SORBS2: variants seen among roughly 807,000 people sequenced by gnomAD.
The protein encoded by SORBS2 is sorbin and SH3 domain containing 2.
A neutral mutation model predicts 97.7 loss-of-function variants in SORBS2; 46 were observed. The observed-to-expected ratio is 0.47, with a 90% confidence interval of 0.37 to 0.60. The LOEUF is 0.60. SORBS2 is among the 20% of genes least tolerant of loss of function. SORBS2 has a pLI of 0.00. For missense variants in SORBS2, 1,316 were observed against 1,282.3 expected (o/e 1.03, Z -0.40); for synonymous variants, 476 against 473.4 (o/e 1.01, Z -0.07).
chr4:185,908,658 G>C (rs190706754), intron 1 of SORBS2, among the ~76,000 whole-genome samples: 80 of 151,882 alleles, frequency 5.3e-4, no homozygotes, highest in African/African-American at 1.9e-3. Flanking sequence ...CCTCTGAAAT[G>C]AATGAGTCCT....
chr4:185,628,242 A>G (rs949758514), intron 5 of SORBS2, among the ~76,000 whole-genome samples: 6 of 151,996 alleles, frequency 3.9e-5, no homozygotes, highest in Admixed American at 2.6e-4. Flanking sequence ...TCAGTGCTAT[A>G]ATTTGTATCT....
At chr4:185,618,732 A>G in intron 8 of SORBS2, 101 bp from the exon 21 acceptor site, 2 of 601,036 alleles carry the variant, frequency 3.3e-6, no homozygotes, top group South Asian at 3.3e-5. Flanking sequence ...TCAGGGAATC[A>G]TCAAACATAT....
intron 1 of SORBS2, among the ~76,000 whole-genome samples, chr4:185,809,197 C>T (rs2099168827): frequency 6.6e-6 from 1 of 151,994 alleles, no homozygotes; most frequent in East Asian, 1.9e-4. Context: ...GTTACCAGTA[C>T]AATGTCTGAA....
chr4:185,712,939 A>G (rs764770205), intron 2 of SORBS2, among the ~76,000 whole-genome samples: 1 of 152,148 alleles, frequency 6.6e-6, no homozygotes, highest in Non-Finnish European at 1.5e-5. Flanking sequence ...CTAACACCTT[A>G]GTCTAGCTTT....
intron 1 of SORBS2, among the ~76,000 whole-genome samples, chr4:185,926,436 A>G (rs1372303383): frequency 6.6e-6 from 1 of 151,960 alleles, no homozygotes; most frequent in Non-Finnish European, 1.5e-5. Flanking sequence ...AATTTTTGGT[A>G]TCTGGCATGA....
chr4:185,910,547 AT>A (rs1260861468), intron 1 of SORBS2, among the ~76,000 whole-genome samples: 1 of 151,856 alleles, frequency 6.6e-6, no homozygotes, highest in Non-Finnish European at 1.5e-5. Context: ...TTATTCATTT[AT>A]GTGTTTGTTT....
intron 2 of SORBS2, among the ~76,000 whole-genome samples, chr4:185,748,960 G>A (rs1411261877): frequency 6.6e-6 from 1 of 152,214 alleles, no homozygotes; most frequent in Non-Finnish European, 1.5e-5. Context: ...GAATGCAGGA[G>A]AGCCCCAAGC....
At chr4:185,900,599 G>GA (rs897710853) in intron 1 of SORBS2, among the ~76,000 whole-genome samples, 45 of 151,750 alleles carry the variant, frequency 3.0e-4, no homozygotes, top group African/African-American at 9.2e-4. Context: ...TATAGAGAGA[G>GA]AAAAAAAATT....
At chr4:185,613,725 T>C (rs1024166644) in intron 11 of SORBS2, among the ~76,000 whole-genome samples, 21 of 147,892 alleles carry the variant, frequency 1.4e-4, no homozygotes, top group African/African-American at 5.0e-4. Flanking sequence ...CAAGAACAGG[T>C]AGTTGCTAGG....
chr4:185,839,428 T>C (rs1339440216), intron 1 of SORBS2, among the ~76,000 whole-genome samples: 1 of 152,180 alleles, frequency 6.6e-6, no homozygotes, highest in African/African-American at 2.4e-5. Context: ...CTGAAGACAA[T>C]GACCCTGGCC....
In SORBS2 at chr4:185,626,711, T is replaced by C. The variant is rs80185731; in HGVS notation, c.634+121A>G. 4,846 of 946,878 alleles carry C rather than the reference T, an allele frequency of 5.1e-3. 181 individuals carry two copies. In the African/African-American group the frequency reaches 0.072, roughly 14 times the overall value. 58.7% of individuals were successfully genotyped at this position (946,878 alleles called of 1,614,324 possible). ...AAGGCTATTGTTCTAAAACTATATT[T>C]TATTCCAGACACTGTAGGTGAGAGC... is the stretch of plus-strand genomic sequence containing the variant. On this transcript the variant is annotated intron_variant, in intron 6 of 14. Transcript: ENST00000418609.
chr4:185,744,373 G>T (rs1296714729), intron 2 of SORBS2, among the ~76,000 whole-genome samples: 1 of 152,038 alleles, frequency 6.6e-6, no homozygotes, highest in Non-Finnish European at 1.5e-5. Context: ...TTGGATCCAG[G>T]TTTCTGTTTC....
At position 185,593,993 on chromosome 4, in the gene SORBS2, A is replaced by G. The variant is rs1374119784; in HGVS notation, c.2797-58T>C. Reference sequence around the variant, plus strand: ...TTTAAACTGGTACTAATTAAAAGATAATTTGGATAATGGCATGGTACTTTT... The same window carrying G: ...TTTAAACTGGTACTAATTAAAAGATGATTTGGATAATGGCATGGTACTTTT... On this transcript the variant is annotated intron_variant, in intron 12 of 14. Coordinates refer to ENST00000418609, the Ensembl canonical transcript of SORBS2. 8 of 1,109,912 alleles carry G rather than the reference A, an allele frequency of 7.2e-6. No individual in the cohort carries two copies. In the Admixed American group the frequency reaches 1.2e-4, roughly 17 times the overall value. 68.8% of individuals were successfully genotyped at this position (1,109,912 alleles called of 1,614,324 possible). A position where few individuals can be genotyped will look rare whatever the true frequency, so the allele number is the denominator to read the frequency against.
At chr4:185,743,995 G>C (rs6552919) in intron 2 of SORBS2, among the ~76,000 whole-genome samples, 76,718 of 119,694 alleles carry the variant, frequency 0.64, 23,172 homozygotes, top group African/African-American at 0.71. Context: ...TCCTCCTCCT[G>C]TCCCCCTCAC....
chr4:185,623,776 C>T lies in SORBS2; in HGVS notation c.1353G>A (p.Arg451=), dbSNP rs763424437. The T allele has an allele frequency of 1.9e-6, 3 of 1,614,096 alleles. No homozygotes were observed. Among genetic ancestry groups the T allele is most frequent in the East Asian group, 4.5e-5 (2 of 44,882 alleles). The change falls in exon 7 of 15, where the codon AGG becomes AGA. Residue 451 remains arginine (R), a synonymous_variant. Transcript: ENST00000418609. This position sits in a 1 kb window ranked among gnomAD's most constrained non-coding sequence, Gnocchi z 6.4. ...CCAGCAAATACTCAATGGAAAACCG[C>T]CTCTTGGGACATAGGCCATTTTGCG...
At chr4:185,600,431 C>T (rs538457977) in intron 12 of SORBS2, among the ~76,000 whole-genome samples, 2 of 152,302 alleles carry the variant, frequency 1.3e-5, no homozygotes, top group South Asian at 2.1e-4. Context: ...CTCCATCTCC[C>T]GGGTTCGAGC....
intron 1 of SORBS2, among the ~76,000 whole-genome samples, chr4:185,815,953 G>A (rs946608460): frequency 1.3e-5 from 2 of 152,182 alleles, no homozygotes; most frequent in Non-Finnish European, 2.9e-5. Context: ...CAGAGTTAAG[G>A]TTAAGATTAG....
In SORBS2 at chr4:185,799,109, CTT is replaced by C. The variant is rs577428472; in HGVS notation, c.-337-23745_-337-23744del. 1.9e-3 allele frequency among the ~76,000 whole-genome samples: 295 copies of C among 152,266 alleles called. 2 individuals are homozygous for C. In the Middle Eastern group the frequency reaches 0.024, roughly 12 times the overall value. ...TCCATCTTGGATATAGGGAAGGAGA[CTT>C]AGCCTCATAAAAGCACATGAAGGAA... is the stretch of plus-strand genomic sequence containing the variant. On this transcript the variant is annotated intron_variant, in intron 1 of 20. Coordinates refer to the SORBS2 transcript ENST00000284776.
chr4:185,629,031 C>A lies in SORBS2; in HGVS notation c.446+1518G>T, dbSNP rs377115191. 7.0e-4 allele frequency among the ~76,000 whole-genome samples: 106 copies of A among 152,334 alleles called. 1 individual carries two copies. The highest frequency in any genetic ancestry group is 6.8e-3 in the Middle Eastern group (2 of 294). On this transcript the variant is annotated intron_variant, in intron 5 of 14. Coordinates refer to ENST00000418609, the Ensembl canonical transcript of SORBS2. ...CAACCCCAGCTCCTATGGAGCCCAG[C>A]AGAATGCTATGTGCTTTCTTTATGT...
Sources: allele counts gnomAD v4.1 joint callset (sites outside exome capture counted in the v4.1 genomes callset), GRCh38; gene constraint gnomAD v4.1.1; non-coding constraint Gnocchi (gnomAD v3.1); transcripts MANE v1.5; gene names NCBI Gene and HGNC (gene_info 2026-07-23, HGNC 2026-07-21).